CSMD1: variants seen among roughly 807,000 people sequenced by gnomAD.
CSMD1 encodes CUB and sushi domain-containing protein 1.
CSMD1 carries 213 observed loss-of-function variants against 417.5 expected under a neutral mutation model. The observed-to-expected ratio is 0.51, with a 90% CI of 0.46 to 0.57. The LOEUF is 0.57. Ranked by LOEUF, CSMD1 falls within the 20% of genes least tolerant of loss-of-function variation. The pLI is 0.00. For missense variants in CSMD1, 6,923 were observed against 4,529.7 expected, an observed-to-expected ratio of 1.53 and a Z score of -15.17; for synonymous variants, 2,862 against 1,736.8, an observed-to-expected ratio of 1.65 and a Z score of -16.11.
At chr8:3,308,936 G>C (rs1436489715) in intron 23 of CSMD1, among the ~76,000 whole-genome samples, 1 of 151,882 alleles carries the variant, frequency 6.6e-6, no homozygotes, top group African/African-American at 2.4e-5. Flanking sequence ...TGTTGGCCAG[G>C]CTGGTCTCGA....
At chr8:4,322,351 G>C (rs985147683) in intron 3 of CSMD1, among the ~76,000 whole-genome samples, 1 of 152,098 alleles carries the variant, frequency 6.6e-6, no homozygotes, top group African/African-American at 2.4e-5. Context: ...GAGCACTGGA[G>C]AGAGTTTAAA....
intron 3 of CSMD1, among the ~76,000 whole-genome samples, chr8:4,316,016 G>C (rs538412886): frequency 4.6e-5 from 7 of 151,882 alleles, no homozygotes; most frequent in African/African-American, 1.4e-4. Flanking sequence ...TAAATATTCA[G>C]GCATTATTGA....
rs553069844 is a variant in CSMD1, at chr8:4,731,796, T to C, written c.86-94238A>G. 2.5e-4 allele frequency among the ~76,000 whole-genome samples: 38 copies of C among 152,284 alleles called. No homozygotes were observed. The South Asian group carries it at 7.9e-3, about 32-fold the overall frequency. ...GCTTCTACCACCTACTCTATTTATT[T>C]AGGGTTGGGCGAACAACTCACAGTG... On this transcript the variant is annotated intron_variant, in intron 1 of 69. Coordinates refer to ENST00000635120, the MANE Select transcript of CSMD1 (RefSeq NM_033225.6).
intron 18 of CSMD1, chr8:3,373,793 T>C (rs1291314504): frequency 6.6e-6 from 1 of 152,176 alleles, no homozygotes; most frequent in African/African-American, 2.4e-5. Flanking sequence ...TGAATTTTAC[T>C]TTTCTATTTA....
chr8:3,357,109 G>C (rs71521848), intron 21 of CSMD1, among the ~76,000 whole-genome samples: 2 of 152,110 alleles, frequency 1.3e-5, no homozygotes, highest in Admixed American at 1.3e-4. Context: ...ATCCTCCAGA[G>C]CTAGGACATA....
At chr8:3,157,794 A>G in intron 39 of CSMD1, 103 bp downstream of exon 39, 2 of 954,178 alleles carry the variant, frequency 2.1e-6, no homozygotes, top group African/African-American at 3.3e-5. Flanking sequence ...ACGTGTTTTG[A>G]AATTAAGAAA....
intron 57 of CSMD1, among the ~76,000 whole-genome samples, chr8:2,969,809 T>G (rs1804284846): frequency 6.6e-6 from 1 of 152,088 alleles, no homozygotes; most frequent in Non-Finnish European, 1.5e-5. Context: ...TTTTTGCTGG[T>G]GTGTGTGTGT....
intron 6 of CSMD1, among the ~76,000 whole-genome samples, chr8:3,730,862 A>T (rs1796208886): frequency 6.6e-6 from 1 of 152,190 alleles, no homozygotes; most frequent in African/African-American, 2.4e-5. Flanking sequence ...GCTAGAGGTG[A>T]TAAGAGAGAG....
chr8:4,713,675 C>T (rs562726306), intron 1 of CSMD1, among the ~76,000 whole-genome samples: 1 of 152,056 alleles, frequency 6.6e-6, no homozygotes, highest in Non-Finnish European at 1.5e-5. Flanking sequence ...GAGGTCAGGA[C>T]CCAGAGCTCC....
rs529589176 is a variant in CSMD1 at position 3,196,856 on chromosome 8, G to A, written c.5194+2858C>T. Among the ~76,000 whole-genome samples, 25 of 152,214 alleles carry A rather than the reference G, an allele frequency of 1.6e-4. No homozygotes were observed. In the South Asian group the frequency reaches 3.7e-3, roughly 23 times the overall value. Reference sequence around the variant, plus strand: ...TAATGACCATGCCCGTTCATTCAACGGCACGAAACTAAAGATAAGAGAAGC... The same window carrying A: ...TAATGACCATGCCCGTTCATTCAACAGCACGAAACTAAAGATAAGAGAAGC... On this transcript the variant is annotated intron_variant, in intron 33 of 69. Coordinates refer to ENST00000635120, the MANE Select transcript of CSMD1 (RefSeq NM_033225.6).
chr8:3,846,506 A>T (rs927899250), intron 5 of CSMD1, among the ~76,000 whole-genome samples: 1 of 152,216 alleles, frequency 6.6e-6, no homozygotes, highest in African/African-American at 2.4e-5. Flanking sequence ...ATAAGCATAG[A>T]AAGTATTTCA....
chr8:4,487,423 T>C (rs961811744), intron 2 of CSMD1, among the ~76,000 whole-genome samples: 5 of 152,166 alleles, frequency 3.3e-5, no homozygotes, highest in Non-Finnish European at 5.9e-5. Flanking sequence ...GTGTTTGGTT[T>C]TTCGTTCTTG....
intron 1 of CSMD1, among the ~76,000 whole-genome samples, chr8:4,664,992 T>C (rs1055747851): frequency 1.3e-5 from 2 of 152,194 alleles, no homozygotes; most frequent in African/African-American, 4.8e-5. Flanking sequence ...TAATATCTCA[T>C]CGTGTTCTTC....
At chr8:4,319,103 A>T (rs894069544) in intron 3 of CSMD1, among the ~76,000 whole-genome samples, 3 of 152,210 alleles carry the variant, frequency 2.0e-5, no homozygotes, top group Non-Finnish European at 4.4e-5. Context: ...TGCACATAGT[A>T]ACAAAGTAAG....
At chr8:4,521,177 A>G (rs62479741) in intron 2 of CSMD1, among the ~76,000 whole-genome samples, 12,602 of 152,222 alleles carry the variant, frequency 0.083, 650 homozygotes, top group African/African-American at 0.14. Flanking sequence ...CTAAATAAAT[A>G]TATACATTAA....
intron 5 of CSMD1, among the ~76,000 whole-genome samples, chr8:3,860,067 G>C (rs901319816): frequency 6.6e-6 from 1 of 151,974 alleles, no homozygotes; most frequent in African/African-American, 2.4e-5. Context: ...TTGCAGTATG[G>C]TTAGTTGTGG....
intron 1 of CSMD1, among the ~76,000 whole-genome samples, chr8:4,713,241 C>T (rs1224519326): frequency 6.6e-6 from 1 of 152,214 alleles, no homozygotes; most frequent in Non-Finnish European, 1.5e-5. Flanking sequence ...TAGCCAATTA[C>T]TCAAGTACAG....
chr8:3,780,715 G>A (rs1799131359), intron 5 of CSMD1, among the ~76,000 whole-genome samples: 1 of 152,200 alleles, frequency 6.6e-6, no homozygotes, highest in Non-Finnish European at 1.5e-5. Flanking sequence ...GGTGAGAAAT[G>A]CACAGATGCT....
chr8:4,213,842 C>G (rs752421518), intron 3 of CSMD1, among the ~76,000 whole-genome samples: 15 of 152,128 alleles, frequency 9.9e-5, no homozygotes, highest in Middle Eastern at 3.2e-3. Context: ...TTATTGAACC[C>G]CAGTGTTTAG....
Sources: allele counts gnomAD v4.1 joint callset (sites outside exome capture counted in the v4.1 genomes callset), GRCh38; gene constraint gnomAD v4.1.1; transcripts MANE v1.5; gene names NCBI Gene and HGNC (gene_info 2026-07-23, HGNC 2026-07-21).